The following DOCK3 variants were observed in gnomAD, a reference collection of about 807,000 sequenced individuals.
The protein encoded by DOCK3 is dedicator of cytokinesis protein 3.
Under a neutral mutation model 265.6 loss-of-function variants are expected in DOCK3, and 60 were observed. The observed-to-expected ratio is 0.23, with a 90% CI of 0.18 to 0.28. The LOEUF (loss-of-function observed/expected upper bound fraction) is 0.28, where lower values mean the gene tolerates loss of function less well. DOCK3 is among the 10% of genes least tolerant of loss of function. The probability of loss-of-function intolerance (pLI) is 1.00; values close to 1 mark genes in which losing one functional copy is unlikely to be tolerated. For synonymous variants in DOCK3, 881 were observed against 938.0 expected, an observed-to-expected ratio of 0.94 and a Z score of 1.11; for missense variants, 1,981 against 2,594.3, an observed-to-expected ratio of 0.76 and a Z score of 5.14.
intron 21 of DOCK3, among the ~76,000 whole-genome samples, chr3:51,238,165 T>A (rs2078435007): frequency 8.1e-6 from 1 of 123,084 alleles, no homozygotes; most frequent in Admixed American, 9.4e-5. Context: ...TTTTTTGAGA[T>A]GGAGTCTTGC....
At chr3:51,085,742 A>G (rs1219421228) in intron 7 of DOCK3, among the ~76,000 whole-genome samples, 1 of 152,202 alleles carries the variant, frequency 6.6e-6, no homozygotes, top group Admixed American at 6.5e-5. Flanking sequence ...TAAACAACCT[A>G]ATGGTGTGCC....
At chr3:50,898,649 A>T (rs1194833926) in intron 4 of DOCK3, 3 of 152,132 alleles carry the variant, frequency 2.0e-5, no homozygotes, top group Non-Finnish European at 4.4e-5. Flanking sequence ...CACTGCTTTA[A>T]ATGTGTCCCA....
chr3:51,055,016 G>A (rs1435889809), intron 5 of DOCK3, among the ~76,000 whole-genome samples: 2 of 152,098 alleles, frequency 1.3e-5, no homozygotes, highest in Non-Finnish European at 2.9e-5. Context: ...TAAGAATGAG[G>A]CATTAAAATG....
At chr3:51,229,728 G>C in intron 19 of DOCK3, 119 bp downstream of exon 19, 1 of 633,300 alleles carries the variant, frequency 1.6e-6, no homozygotes, top group Non-Finnish European at 2.4e-6. Context: ...TTTTGTTGTT[G>C]TTGTTGTTGT....
chr3:50,780,356 A>G (rs2041849152), intron 2 of DOCK3, among the ~76,000 whole-genome samples: 1 of 152,188 alleles, frequency 6.6e-6, no homozygotes. Flanking sequence ...CTGAGGCTGT[A>G]TAATTTATAA....
chr3:51,099,855 A>T (rs1408567671), intron 9 of DOCK3, among the ~76,000 whole-genome samples: 1 of 152,154 alleles, frequency 6.6e-6, no homozygotes, highest in Non-Finnish European at 1.5e-5. Flanking sequence ...GCTAAATAAG[A>T]TTGTCAGGGT....
At chr3:50,971,000 A>ATT (rs71633052) in intron 5 of DOCK3, among the ~76,000 whole-genome samples, 1 of 42,680 alleles carries the variant, frequency 2.3e-5, no homozygotes, top group Non-Finnish European at 4.4e-5. Context: ...TTAATTTTTA[A>ATT]TTTTTTTTTT....
At position 50,917,695 on chromosome 3, in the gene DOCK3, TTAA is replaced by T. The variant is rs200543170; in HGVS notation, c.219-16284_219-16282del. On this transcript the variant is annotated intron_variant, in intron 4 of 52. Coordinates refer to ENST00000266037, the MANE Select transcript of DOCK3 (RefSeq NM_004947.5). ...TTAATATTGTTTGTTTTCTATCTCA[TTAA>T]TTTTTTTCAGTTGTCATGAATGATA... 7.3e-3 allele frequency among the ~76,000 whole-genome samples: 1,116 copies of T among 152,228 alleles called. 8 individuals carry two copies. Among genetic ancestry groups the T allele is most frequent in the African/African-American group, 0.01 (432 of 41,490 alleles).
chr3:50,743,338 TA>T (rs1466159388), intron 1 of DOCK3, among the ~76,000 whole-genome samples: 14 of 151,962 alleles, frequency 9.2e-5, no homozygotes, highest in African/African-American at 3.4e-4. Flanking sequence ...AATTCACACA[TA>T]ACAATATTAA....
At chr3:51,024,080 C>T (rs908582159) in intron 5 of DOCK3, among the ~76,000 whole-genome samples, 2 of 152,032 alleles carry the variant, frequency 1.3e-5, no homozygotes, top group Admixed American at 6.5e-5. Context: ...GGTCTGACTT[C>T]AATGTTTGTA....
At chr3:50,740,231 T>C (rs535973537) in intron 1 of DOCK3, among the ~76,000 whole-genome samples, 1 of 152,306 alleles carries the variant, frequency 6.6e-6, no homozygotes, top group Non-Finnish European at 1.5e-5. Flanking sequence ...TAGTATTCCA[T>C]TGTGTGAACA....
intron 37 of DOCK3, among the ~76,000 whole-genome samples, 196 bp downstream of exon 37, chr3:51,339,224 C>G (rs775481320): frequency 2.6e-5 from 4 of 152,196 alleles, no homozygotes; most frequent in Non-Finnish European, 5.9e-5. Flanking sequence ...GCAGAACTTC[C>G]ACTTGTGCCT....
intron 23 of DOCK3, among the ~76,000 whole-genome samples, chr3:51,268,548 AG>A (rs1447489012): frequency 1.3e-5 from 2 of 152,224 alleles, no homozygotes; most frequent in Non-Finnish European, 2.9e-5. Context: ...TCTCATGTCC[AG>A]TCATTCAGTC....
chr3:50,835,809 T>G (rs1223453134), intron 2 of DOCK3, among the ~76,000 whole-genome samples: 2 of 152,150 alleles, frequency 1.3e-5, no homozygotes, highest in Non-Finnish European at 2.9e-5. Flanking sequence ...TTACTGTGCA[T>G]TTCATTGCAA....
intron 1 of DOCK3, among the ~76,000 whole-genome samples, chr3:50,703,540 TC>T (rs766940946): frequency 6.6e-6 from 1 of 152,076 alleles, no homozygotes; most frequent in Non-Finnish European, 1.5e-5. Context: ...TTTGTTTTTT[TC>T]TTGGTTCAGT....
At chr3:50,766,894 T>C (rs960616830) in intron 1 of DOCK3, among the ~76,000 whole-genome samples, 2 of 152,236 alleles carry the variant, frequency 1.3e-5, no homozygotes, top group African/African-American at 2.4e-5. Flanking sequence ...CATTTTTTCA[T>C]GTGTCTGTTG....
intron 27 of DOCK3, among the ~76,000 whole-genome samples, chr3:51,290,293 C>T (rs1470828891): frequency 1.3e-5 from 2 of 152,122 alleles, no homozygotes; most frequent in Non-Finnish European, 2.9e-5. Context: ...CGCAGATGTC[C>T]AACAATGATA....
intron 5 of DOCK3, among the ~76,000 whole-genome samples, chr3:51,046,774 T>C (rs891438765): frequency 1.3e-5 from 2 of 152,104 alleles, no homozygotes; most frequent in Non-Finnish European, 2.9e-5. Context: ...ACAGAATCAG[T>C]ATTTTTCCAA....
At chr3:50,738,359 G>C (rs537735879) in intron 1 of DOCK3, among the ~76,000 whole-genome samples, 1 of 152,282 alleles carries the variant, frequency 6.6e-6, no homozygotes, top group Non-Finnish European at 1.5e-5. Context: ...ACAGTTTCAT[G>C]GGGCAGGCTT....
Sources: gnomAD v4.1 joint callset for allele counts (sites outside exome capture counted in the v4.1 genomes callset) on GRCh38, gnomAD v4.1.1 for gene constraint, MANE v1.5 for transcripts, NCBI Gene and HGNC (gene_info 2026-07-23, HGNC 2026-07-21) for gene names.